LOC400499: variants seen among roughly 807,000 people sequenced by gnomAD.
At chr16:11,457,719 G>A in the LOC400499 span, among the ~76,000 whole-genome samples, 5 of 152,016 alleles carry the variant, frequency 3.3e-5, no homozygotes, top group African/African-American at 7.2e-5. Context: ...GCACACTCAC[G>A]TTCATAACAG....
At chr16:11,423,109 G>A in the LOC400499 span, 1 of 399,128 alleles carries the variant, frequency 2.5e-6, no homozygotes, top group Non-Finnish European at 4.4e-6. Context: ...CTGTGATCAG[G>A]CTGTGCCAGC....
chr16:11,383,344 G>A, the LOC400499 span, among the ~76,000 whole-genome samples: 6 of 152,186 alleles, frequency 3.9e-5, no homozygotes, highest in African/African-American at 1.4e-4. Flanking sequence ...TGGGATTACA[G>A]GCGTGAGCCA....
the LOC400499 span, among the ~76,000 whole-genome samples, chr16:11,486,355 G>A: frequency 7.5e-6 from 1 of 133,658 alleles, no homozygotes; most frequent in Non-Finnish European, 1.5e-5. Context: ...TGGCTGGATA[G>A]ATGAATGAAT....
chr16:11,393,345 G>C, the LOC400499 span: 1 of 1,227,768 alleles, frequency 8.1e-7, no homozygotes, highest in Non-Finnish European at 1.0e-6. Flanking sequence ...TGAGCCAACA[G>C]GGGCCGTGGC....
At chr16:11,417,594 C>A in the LOC400499 span, 1 of 395,796 alleles carries the variant, frequency 2.5e-6, no homozygotes, top group Non-Finnish European at 4.4e-6. Flanking sequence ...TGGAGGAAGC[C>A]AGCTCCCCAG....
the LOC400499 span, chr16:11,387,132 G>T: frequency 8.1e-7 from 1 of 1,232,326 alleles, no homozygotes; most frequent in Non-Finnish European, 1.0e-6. Context: ...CCCGCCAGCA[G>T]GCGGCGTCTG....
At chr16:11,499,443 G>A in the LOC400499 span, among the ~76,000 whole-genome samples, 65 of 152,114 alleles carry the variant, frequency 4.3e-4, no homozygotes, top group African/African-American at 8.7e-4. Flanking sequence ...GGTGGCCAGC[G>A]TGCCACCTGC....
At chr16:11,451,885 G>A in the LOC400499 span, among the ~76,000 whole-genome samples, 6 of 152,154 alleles carry the variant, frequency 3.9e-5, no homozygotes, top group Non-Finnish European at 7.3e-5. Context: ...AGAGTGGGCA[G>A]TCTGGTCCCT....
At chr16:11,482,266 G>A in the LOC400499 span, among the ~76,000 whole-genome samples, 1 of 152,192 alleles carries the variant, frequency 6.6e-6, no homozygotes, top group Admixed American at 6.5e-5. Context: ...GGGGAATGGA[G>A]GCTGAGCCAG....
chr16:11,458,219 G>A, the LOC400499 span, among the ~76,000 whole-genome samples: 4 of 152,160 alleles, frequency 2.6e-5, no homozygotes, highest in East Asian at 1.9e-4. Context: ...GGTCGTGGGC[G>A]CCTGTAATCC....
the LOC400499 span, among the ~76,000 whole-genome samples, chr16:11,447,225 G>A: frequency 6.6e-5 from 10 of 152,208 alleles, 1 homozygote; most frequent in African/African-American, 2.4e-4. Flanking sequence ...TCCAGGCACG[G>A]TCTTTCACTA....
chr16:11,525,595 A>C, the LOC400499 span, among the ~76,000 whole-genome samples: 4 of 152,262 alleles, frequency 2.6e-5, no homozygotes, highest in South Asian at 8.3e-4. Context: ...ATGTGTGCGT[A>C]ATCATTACGT....
the LOC400499 span, among the ~76,000 whole-genome samples, chr16:11,441,485 G>T: frequency 1.3e-5 from 2 of 152,232 alleles, no homozygotes; most frequent in Non-Finnish European, 2.9e-5. Flanking sequence ...TAGAGTGAAA[G>T]AATGAGTAAC....
the LOC400499 span, among the ~76,000 whole-genome samples, chr16:11,449,705 C>T: frequency 6.6e-6 from 1 of 152,252 alleles, no homozygotes; most frequent in South Asian, 2.1e-4. Flanking sequence ...AACACTTTGT[C>T]CCATGTCACT....
the LOC400499 span, among the ~76,000 whole-genome samples, chr16:11,429,309 G>T: frequency 6.6e-6 from 1 of 152,218 alleles, no homozygotes; most frequent in East Asian, 1.9e-4. Context: ...GTGACGTGCT[G>T]GCAGAGGAGA....
the LOC400499 span, chr16:11,477,983 C>T: frequency 1.3e-5 from 5 of 398,902 alleles, no homozygotes; most frequent in South Asian, 1.3e-4. Context: ...GCTCAGCCTC[C>T]GGTTCATCTG....
the LOC400499 span, among the ~76,000 whole-genome samples, chr16:11,403,422 C>G: frequency 1.3e-5 from 2 of 152,242 alleles, no homozygotes; most frequent in Non-Finnish European, 2.9e-5. Flanking sequence ...CACACACACA[C>G]AGGCATGCAC....
At chr16:11,463,449 G>A in the LOC400499 span, among the ~76,000 whole-genome samples, 2 of 142,034 alleles carry the variant, frequency 1.4e-5, no homozygotes, top group Admixed American at 6.9e-5. Flanking sequence ...TGTGTATACA[G>A]GGGTGTGTGT....
chr16:11,393,598 C>T, the LOC400499 span: 1 of 1,230,844 alleles, frequency 8.1e-7, no homozygotes, highest in Non-Finnish European at 1.0e-6. Flanking sequence ...GGAGCCTGGC[C>T]CACCTGTCCC....
Sources: allele counts gnomAD v4.1 joint callset (sites outside exome capture counted in the v4.1 genomes callset), GRCh38; gene constraint gnomAD v4.1.1; transcripts MANE v1.5.